BCL2L13: variants seen among roughly 807,000 people sequenced by gnomAD.
BCL2L13 encodes the protein BCL2 like 13.
In BCL2L13, 13 loss-of-function variants were observed where a neutral mutation model predicts 25.8. That is an observed-to-expected ratio of 0.50 (90% confidence interval 0.33 to 0.80). BCL2L13 has a LOEUF of 0.80. BCL2L13 is among the 30% of genes least tolerant of loss of function. The probability of loss-of-function intolerance (pLI) is 0.02; values close to 1 mark genes in which losing one functional copy is unlikely to be tolerated. For missense variants in BCL2L13, 504 were observed against 574.9 expected, an observed-to-expected ratio of 0.88 and a Z score of 1.26; for synonymous variants, 244 against 230.3, an observed-to-expected ratio of 1.06 and a Z score of -0.54.
At chr22:17,679,188 GA>G (rs2059659261) in intron 2 of BCL2L13, among the ~76,000 whole-genome samples, 1 of 151,636 alleles carries the variant, frequency 6.6e-6, no homozygotes, top group Non-Finnish European at 1.5e-5. Flanking sequence ...ACCAAGCTGG[GA>G]TTATTGATGT....
chr22:17,678,174 C>T (rs1267125263), intron 2 of BCL2L13, among the ~76,000 whole-genome samples: 1 of 152,208 alleles, frequency 6.6e-6, no homozygotes, highest in Non-Finnish European at 1.5e-5. Flanking sequence ...GGGAACATGC[C>T]ACTGTGCTCA....
chr22:17,664,885 G>A (rs1369954789), intron 2 of BCL2L13, among the ~76,000 whole-genome samples: 1 of 152,226 alleles, frequency 6.6e-6, no homozygotes, highest in Admixed American at 6.5e-5. Context: ...CAGCAGGAGG[G>A]GGCCCTGGCC....
intron 2 of BCL2L13, among the ~76,000 whole-genome samples, chr22:17,667,431 A>C (rs1178040703): frequency 6.6e-6 from 1 of 152,120 alleles, no homozygotes; most frequent in Non-Finnish European, 1.5e-5. Flanking sequence ...TTGGCCTCCC[A>C]AAGTGCTGGA....
chr22:17,640,816 T>C (rs1268742906), intron 1 of BCL2L13, among the ~76,000 whole-genome samples: 2 of 151,882 alleles, frequency 1.3e-5, no homozygotes, highest in African/African-American at 4.8e-5. Context: ...ATTGCTCCAC[T>C]GTACTTCAGT....
chr22:17,701,542 A>G (rs1337188281), intron 5 of BCL2L13, among the ~76,000 whole-genome samples: 1 of 152,210 alleles, frequency 6.6e-6, no homozygotes, highest in African/African-American at 2.4e-5. Context: ...TTGGGTAGTA[A>G]GCAATTTAAC....
chr22:17,632,269 C>A (rs544951391), intron 1 of BCL2L13, among the ~76,000 whole-genome samples: 2 of 152,090 alleles, frequency 1.3e-5, no homozygotes, highest in African/African-American at 4.8e-5. Context: ...CCTTGTAGGA[C>A]AGATTGGTGT....
rs1335053444 is a variant in BCL2L13 at position 17,693,368 on chromosome 22, G to GT, written c.387-2770dup. On this transcript the variant is annotated intron_variant, in intron 4 of 6. Transcript: ENST00000317582. ...TTATTTATTTATTTATTTATTTAGTGTTTGTTTTTTTTTTTTTTTTTTTTT... is the reference window on the plus strand; with the variant it reads ...TTATTTATTTATTTATTTATTTAGTGTTTTGTTTTTTTTTTTTTTTTTTTTT... Among the ~76,000 whole-genome samples, 235 of 112,208 alleles carry GT rather than the reference G, an allele frequency of 2.1e-3. 4 individuals are homozygous for GT. Among genetic ancestry groups the GT allele is most frequent in the African/African-American group, 8.6e-3 (219 of 25,580 alleles). The allele number at this position is 112,208 out of a possible 152,430, so 73.6% of individuals were successfully genotyped here.
At chr22:17,681,064 C>G (rs1402187341) in intron 2 of BCL2L13, among the ~76,000 whole-genome samples, 2 of 152,136 alleles carry the variant, frequency 1.3e-5, no homozygotes, top group Admixed American at 6.5e-5. Context: ...TGATCTGTCT[C>G]CTGGAGCCTT....
At chr22:17,645,411 A>T (rs976798290) in intron 1 of BCL2L13, among the ~76,000 whole-genome samples, 1 of 149,214 alleles carries the variant, frequency 6.7e-6, no homozygotes, top group Non-Finnish European at 1.5e-5. Context: ...TAGTAGAGAC[A>T]GGGTTTCACC....
At chr22:17,689,327 G>T (rs781306735) in intron 4 of BCL2L13, among the ~76,000 whole-genome samples, 185 bp downstream of exon 4, 7 of 152,136 alleles carry the variant, frequency 4.6e-5, no homozygotes, top group Non-Finnish European at 8.8e-5. Flanking sequence ...TTGCTTTAAA[G>T]GAGTGATTTA....
chr22:17,638,666 G>T (rs1006779139), upstream of BCL2L13: 35 of 1,231,484 alleles, frequency 2.8e-5, no homozygotes, highest in African/African-American at 1.4e-4. Flanking sequence ...TCCGTTGGTC[G>T]GTCCTTCCGC....
chr22:17,694,418 AT>A (rs2060203010), intron 4 of BCL2L13, among the ~76,000 whole-genome samples: 1 of 152,022 alleles, frequency 6.6e-6, no homozygotes, highest in Non-Finnish European at 1.5e-5. Context: ...CAGGCCTGTA[AT>A]CCCAGCTAGC....
Position 17,727,232 on chromosome 22 carries a change from A to C in BCL2L13, c.1156A>C (p.Lys386Gln). The change falls in exon 7 of 7, where the codon AAA becomes CAA. Residue 386 changes from lysine (K) to glutamine (Q), a missense_variant. By Grantham distance (53) the Lys-to-Gln change is moderately conservative. Transcript: ENST00000317582. ...LFVELDEEEV[K>Q]AATTEPTEVE... ...TGTAGAACTTGATGAAGAAGAGGTG[A>C]AAGCAGCAACAACTGAACCTACTGA... The C allele has an allele frequency of 6.2e-7, 1 of 1,614,248 alleles. No individual in the cohort carries two copies. The highest frequency in any genetic ancestry group is 2.2e-5 in the East Asian group (1 of 44,884).
intron 1 of BCL2L13, among the ~76,000 whole-genome samples, chr22:17,632,020 G>A (rs910889992): frequency 2.0e-5 from 3 of 151,796 alleles, no homozygotes; most frequent in Non-Finnish European, 4.4e-5. Flanking sequence ...GCGCCTGGCC[G>A]GTACACATAT....
At chr22:17,670,538 C>T (rs1182089878) in intron 2 of BCL2L13, among the ~76,000 whole-genome samples, 5 of 152,076 alleles carry the variant, frequency 3.3e-5, no homozygotes, top group African/African-American at 1.2e-4. Context: ...TCATGCCTGG[C>T]TTATTTTGTG....
At chr22:17,641,444 A>G (rs1370741771) in intron 1 of BCL2L13, among the ~76,000 whole-genome samples, 1 of 152,130 alleles carries the variant, frequency 6.6e-6, no homozygotes, top group Non-Finnish European at 1.5e-5. Context: ...ATGAGGCAAC[A>G]TGATTTGAGG....
intron 2 of BCL2L13, among the ~76,000 whole-genome samples, chr22:17,658,559 T>C (rs1367254690): frequency 5.3e-5 from 8 of 151,800 alleles, no homozygotes; most frequent in Admixed American, 5.3e-4. Flanking sequence ...CCGGGCATGG[T>C]GGCACACGCC....
At chr22:17,683,854 A>ATTATTC (rs2059828997) in intron 3 of BCL2L13, among the ~76,000 whole-genome samples, 1 of 38,290 alleles carries the variant, frequency 2.6e-5, no homozygotes, top group Non-Finnish European at 5.5e-5. Flanking sequence ...CATTATTATT[A>ATTATTC]TTATTATTAT....
chr22:17,638,597 G>T, upstream of BCL2L13: 1 of 1,036,762 alleles, frequency 9.6e-7, no homozygotes, highest in Non-Finnish European at 1.2e-6. Flanking sequence ...ATCAGATTTG[G>T]GCGGGCTAGG....
Sources: gnomAD v4.1 joint callset for allele counts (sites outside exome capture counted in the v4.1 genomes callset) on GRCh38, gnomAD v4.1.1 for gene constraint, MANE v1.5 for transcripts, NCBI Gene and HGNC (gene_info 2026-07-23, HGNC 2026-07-21) for gene names.